ARHGEF28: variants seen among roughly 807,000 people sequenced by gnomAD.
The protein encoded by ARHGEF28 is Rho guanine nucleotide exchange factor 28.
ARHGEF28 carries 152 observed loss-of-function variants against 206.6 expected under a neutral mutation model. The ratio of observed to expected loss-of-function variants is 0.74; its 90% CI spans 0.64 to 0.84. The LOEUF is 0.84. Ranked by LOEUF, ARHGEF28 falls within the 40% of genes least tolerant of loss-of-function variation. ARHGEF28 has a pLI of 0.00. For synonymous variants in ARHGEF28, 763 were observed against 776.4 expected (o/e 0.98, Z 0.29); for missense variants, 2,028 against 2,073.2 (o/e 0.98, Z 0.42).
intron 11 of ARHGEF28, 98 bp from the exon 12 acceptor site, chr5:73,846,170 C>G (rs1395981775): frequency 1.2e-5 from 13 of 1,128,560 alleles, no homozygotes; most frequent in Non-Finnish European, 1.4e-5. Flanking sequence ...TGCACCCCCC[C>G]CGCCCCAGTG....
chr5:73,860,820 T>G, intron 16 of ARHGEF28, among the ~76,000 whole-genome samples: 1 of 152,194 alleles, frequency 6.6e-6, no homozygotes, highest in East Asian at 1.9e-4. Flanking sequence ...TTTGGTTCCC[T>G]CATCTGGAAC....
chr5:73,680,748 A>G (rs1561329360), intron 1 of ARHGEF28, among the ~76,000 whole-genome samples: 1 of 152,202 alleles, frequency 6.6e-6, no homozygotes, highest in East Asian at 1.9e-4. Flanking sequence ...GTTGTGAAAA[A>G]CATCTGTACT....
intron 2 of ARHGEF28, among the ~76,000 whole-genome samples, chr5:73,714,186 T>C (rs1401260977): frequency 6.6e-6 from 1 of 152,180 alleles, no homozygotes; most frequent in Non-Finnish European, 1.5e-5. Context: ...TTATCGTTAT[T>C]ATCATCTTTG....
intron 1 of ARHGEF28, among the ~76,000 whole-genome samples, chr5:73,627,684 A>G (rs918305652): frequency 2.6e-5 from 4 of 152,234 alleles, no homozygotes; most frequent in Admixed American, 2.0e-4. Context: ...ATAGTATTTC[A>G]ATGTAATGTT....
At chr5:73,684,392 C>T (rs1187013778) in intron 1 of ARHGEF28, among the ~76,000 whole-genome samples, 1 of 152,196 alleles carries the variant, frequency 6.6e-6, no homozygotes, top group Non-Finnish European at 1.5e-5. Context: ...CGTGTTATAA[C>T]ATGTACTAGC....
intron 14 of ARHGEF28, among the ~76,000 whole-genome samples, chr5:73,856,099 A>G (rs1158124878): frequency 6.6e-6 from 1 of 151,972 alleles, no homozygotes; most frequent in African/African-American, 2.4e-5. Context: ...TCTCAAATGT[A>G]TTTTTTCCCC....
intron 18 of ARHGEF28, among the ~76,000 whole-genome samples, chr5:73,867,125 A>G (rs1327426916): frequency 6.6e-6 from 1 of 152,200 alleles, no homozygotes; most frequent in Non-Finnish European, 1.5e-5. Flanking sequence ...GAAATACCAC[A>G]TATTACTCCT....
chr5:73,800,752 A>C (rs567053480), intron 9 of ARHGEF28, among the ~76,000 whole-genome samples: 150 of 152,340 alleles, frequency 9.8e-4, no homozygotes, highest in African/African-American at 3.4e-3. Context: ...GAAGACACAG[A>C]TCTTTCATGA....
chr5:73,677,186 A>G (rs1356991193), intron 1 of ARHGEF28, among the ~76,000 whole-genome samples: 2 of 152,150 alleles, frequency 1.3e-5, no homozygotes, highest in East Asian at 1.9e-4. Flanking sequence ...TTTATTTTCT[A>G]ATATAAGCGT....
rs556787167 is a variant in ARHGEF28 at position 73,736,905 on chromosome 5, G to A, written c.34-12932G>A. On this transcript the variant is annotated intron_variant, in intron 2 of 35. Transcript: ENST00000513042. ...AACAGTGAGGGGCAAGAAAGGACAAGGTCAGAAAAAGGAGCTCCTTCGTTT... is the reference window on the plus strand; with the variant it reads ...AACAGTGAGGGGCAAGAAAGGACAAAGTCAGAAAAAGGAGCTCCTTCGTTT... Among the ~76,000 whole-genome samples, 9 of 152,156 alleles carry A rather than the reference G, an allele frequency of 5.9e-5. 1 individual carries two copies. The highest frequency in any genetic ancestry group is 2.2e-4 in the African/African-American group (9 of 41,522).
chr5:73,829,201 C>T (rs886630016), intron 9 of ARHGEF28, among the ~76,000 whole-genome samples: 3 of 152,212 alleles, frequency 2.0e-5, no homozygotes, highest in Non-Finnish European at 4.4e-5. Flanking sequence ...ACAAAGATGA[C>T]ATTGAATCAT....
chr5:73,838,483 A>G (rs1757797285), intron 10 of ARHGEF28, among the ~76,000 whole-genome samples: 1 of 152,230 alleles, frequency 6.6e-6, no homozygotes, highest in African/African-American at 2.4e-5. Context: ...AATTCACATG[A>G]TGAAAGTTAC....
intron 8 of ARHGEF28, among the ~76,000 whole-genome samples, chr5:73,794,875 G>A (rs1754711970): frequency 6.6e-6 from 1 of 152,132 alleles, no homozygotes; most frequent in African/African-American, 2.4e-5. Context: ...CCCAAGTGCT[G>A]GGATTACAGG....
At chr5:73,699,446 C>G (rs1580498401) in intron 2 of ARHGEF28, among the ~76,000 whole-genome samples, 1 of 151,942 alleles carries the variant, frequency 6.6e-6, no homozygotes, top group African/African-American at 2.4e-5. Context: ...GGGGAAAACT[C>G]TAAACAATTT....
intron 2 of ARHGEF28, among the ~76,000 whole-genome samples, chr5:73,741,170 G>A (rs747792746): frequency 7.2e-5 from 11 of 151,788 alleles, no homozygotes; most frequent in Non-Finnish European, 1.3e-4. Context: ...AAGCTAAGGG[G>A]CTTTATAAAG....
At chr5:73,821,933 T>C (rs1334831077) in intron 9 of ARHGEF28, among the ~76,000 whole-genome samples, 1 of 152,188 alleles carries the variant, frequency 6.6e-6, no homozygotes, top group Non-Finnish European at 1.5e-5. Context: ...GCTACTACAA[T>C]GCGGAGTGAG....
intron 16 of ARHGEF28, among the ~76,000 whole-genome samples, chr5:73,861,065 C>T (rs1360243587): frequency 6.6e-6 from 1 of 152,178 alleles, no homozygotes; most frequent in African/African-American, 2.4e-5. Context: ...ACTTTCATAT[C>T]CATTTAAAAT....
At chr5:73,932,375 A>G (rs1764175792) in intron 35 of ARHGEF28, among the ~76,000 whole-genome samples, 1 of 152,260 alleles carries the variant, frequency 6.6e-6, no homozygotes, top group Admixed American at 6.5e-5. Flanking sequence ...GGGTAAATCT[A>G]TGGGAGTGAA....
intron 1 of ARHGEF28, among the ~76,000 whole-genome samples, chr5:73,671,132 A>G (rs1199548426): frequency 1.3e-5 from 2 of 152,200 alleles, no homozygotes; most frequent in African/African-American, 2.4e-5. Flanking sequence ...GATGGACCAT[A>G]TGTTATGAAC....
Sources: gnomAD v4.1 joint callset for allele counts (sites outside exome capture counted in the v4.1 genomes callset) on GRCh38, gnomAD v4.1.1 for gene constraint, MANE v1.5 for transcripts, NCBI Gene and HGNC (gene_info 2026-07-23, HGNC 2026-07-21) for gene names.